The following PRKG1 variants were observed in gnomAD, a reference collection of about 807,000 sequenced individuals.
PRKG1 encodes protein kinase cGMP-dependent 1.
A neutral mutation model predicts 88.1 loss-of-function variants in PRKG1; 35 were observed. The ratio of observed to expected loss-of-function variants is 0.40; its 90% CI spans 0.30 to 0.53. The LOEUF is 0.53. PRKG1 is among the 20% of genes least tolerant of loss of function. The pLI is 0.59. For synonymous variants in PRKG1, 303 were observed against 292.5 expected (o/e 1.04, Z -0.37); for missense variants, 540 against 839.8 (o/e 0.64, Z 4.41).
At chr10:51,096,839 G>A (rs1844542234) in intron 1 of PRKG1, among the ~76,000 whole-genome samples, 1 of 152,194 alleles carries the variant, frequency 6.6e-6, no homozygotes, top group African/African-American at 2.4e-5. Flanking sequence ...CTTCCCAAGG[G>A]CATTTGCAAT....
intron 7 of PRKG1, among the ~76,000 whole-genome samples, chr10:52,114,300 CT>C (rs1365401029): frequency 6.6e-6 from 1 of 152,054 alleles, no homozygotes; most frequent in East Asian, 1.9e-4. Flanking sequence ...CACTTTTTAG[CT>C]GTATGACTCC....
chr10:52,093,761 T>G (rs1370975367), intron 7 of PRKG1, among the ~76,000 whole-genome samples: 7 of 152,162 alleles, frequency 4.6e-5, no homozygotes, highest in African/African-American at 1.4e-4. Context: ...AAAATTGAGC[T>G]TTTTGGAGGC....
intron 9 of PRKG1, among the ~76,000 whole-genome samples, chr10:52,177,504 A>G (rs1838897503): frequency 6.6e-6 from 1 of 152,166 alleles, no homozygotes; most frequent in Admixed American, 6.5e-5. Flanking sequence ...CATCAGGGTT[A>G]TGCTTACTTC....
At chr10:51,301,467 G>A (rs932620528) in intron 2 of PRKG1, among the ~76,000 whole-genome samples, 2 of 152,066 alleles carry the variant, frequency 1.3e-5, no homozygotes, top group African/African-American at 4.8e-5. Context: ...AACCCTCTGA[G>A]GAATATCAAT....
chr10:52,053,671 G>A (rs1846043749), intron 5 of PRKG1, among the ~76,000 whole-genome samples: 1 of 152,082 alleles, frequency 6.6e-6, no homozygotes, highest in Admixed American at 6.6e-5. Context: ...CTTCACCCTG[G>A]AAACAGACCT....
intron 3 of PRKG1, among the ~76,000 whole-genome samples, chr10:51,497,535 G>A (rs1389052314): frequency 2.0e-5 from 3 of 152,212 alleles, no homozygotes; most frequent in African/African-American, 7.2e-5. Context: ...GTGGTCGCAT[G>A]ATAATGAATA....
intron 1 of PRKG1, among the ~76,000 whole-genome samples, chr10:51,050,373 A>C (rs1293292572): frequency 6.6e-6 from 1 of 151,848 alleles, no homozygotes; most frequent in Admixed American, 6.6e-5. Context: ...GCCTCTACAC[A>C]TCTGACTATT....
At chr10:52,151,869 C>G (rs941840586) in intron 8 of PRKG1, among the ~76,000 whole-genome samples, 1 of 152,140 alleles carries the variant, frequency 6.6e-6, no homozygotes, top group Admixed American at 6.5e-5. Context: ...ATTTTAAAAT[C>G]CTTTCTTCCA....
chr10:51,830,041 T>C (rs1937694), intron 4 of PRKG1, among the ~76,000 whole-genome samples: 6,468 of 152,234 alleles, frequency 0.042, 284 homozygotes, highest in East Asian at 0.11. Flanking sequence ...CCTTAATACC[T>C]ATATTTACAT....
chr10:52,241,800 T>C (rs1840869506), intron 9 of PRKG1, among the ~76,000 whole-genome samples: 1 of 152,326 alleles, frequency 6.6e-6, no homozygotes, highest in Admixed American at 6.5e-5. Context: ...TTTCGACTGA[T>C]CCCTTTGATT....
chr10:52,056,743 T>TAA (rs1206476755), intron 6 of PRKG1, among the ~76,000 whole-genome samples: 1 of 152,118 alleles, frequency 6.6e-6, no homozygotes, highest in Non-Finnish European at 1.5e-5. Context: ...GTAAATTACA[T>TAA]AATAATTGTA....
At chr10:51,773,476 C>T (rs1827534125) in intron 3 of PRKG1, among the ~76,000 whole-genome samples, 1 of 151,942 alleles carries the variant, frequency 6.6e-6, no homozygotes, top group African/African-American at 2.4e-5. Flanking sequence ...TTGTATCTTT[C>T]TGCTTTTAAA....
intron 3 of PRKG1, among the ~76,000 whole-genome samples, chr10:51,721,766 G>A (rs1842019165): frequency 6.6e-6 from 1 of 151,926 alleles, no homozygotes; most frequent in Non-Finnish European, 1.5e-5. Context: ...GTTCCTGTGT[G>A]AAATGGCAAC....
Position 51,074,897 on chromosome 10 carries a change from C to A in PRKG1, c.307C>A (p.Pro103Thr), listed in dbSNP as rs201361942. The change falls in exon 1 of 18, where the codon CCA (proline) becomes ACA (threonine). Residue 103 changes from proline to threonine, a missense_variant. Pro to Thr is a conservative substitution (Grantham distance 38, BLOSUM62 -1). This residue lies in a region of PRKG1 where 400 missense variants were observed against 562.7 expected (regional missense o/e 0.71). Coordinates refer to ENST00000373980, the MANE Select transcript of PRKG1 (RefSeq NM_006258.4). The part of the protein sequence containing the change: ...HVTLPFYPKS[P>T]QSKDLIKEAI... Reference sequence around the variant, plus strand: ...GACCCTGCCCTTCTACCCCAAGAGCCCACAGTAAGCAGGGGTGACGCGCCG... The same window carrying A: ...GACCCTGCCCTTCTACCCCAAGAGCACACAGTAAGCAGGGGTGACGCGCCG... The A allele has an allele frequency of 2.2e-5, 35 of 1,604,158 alleles. No homozygotes were observed.
intron 5 of PRKG1, among the ~76,000 whole-genome samples, chr10:51,931,903 G>A (rs1842702995): frequency 6.6e-6 from 1 of 152,086 alleles, no homozygotes; most frequent in East Asian, 1.9e-4. Flanking sequence ...GTCTATTATA[G>A]AATTCTGTCT....
At chr10:52,094,685 C>T (rs1847133647) in intron 7 of PRKG1, among the ~76,000 whole-genome samples, 1 of 152,136 alleles carries the variant, frequency 6.6e-6, no homozygotes, top group Non-Finnish European at 1.5e-5. Context: ...GACCTCTCTT[C>T]CTGGCTTGCA....
At position 51,933,119 on chromosome 10, in the gene PRKG1, G is replaced by A. The variant is rs113945701; in HGVS notation, c.762+25549G>A. On this transcript the variant is annotated intron_variant, in intron 5 of 17. Transcript: ENST00000373980. ...AGTACAGATGCAAGATGTCATGTGC[G>A]GACTATACTGTGTTTCCTAATTACA... is the stretch of plus-strand genomic sequence containing the variant. Among the ~76,000 whole-genome samples, 210 of 152,136 alleles carry A rather than the reference G, an allele frequency of 1.4e-3. 2 individuals carry two copies. Among genetic ancestry groups the A allele is most frequent in the African/African-American group, 4.8e-3 (199 of 41,530 alleles).
chr10:52,001,374 AAAC>A (rs1844592559), intron 5 of PRKG1, among the ~76,000 whole-genome samples: 2 of 151,986 alleles, frequency 1.3e-5, no homozygotes, highest in Admixed American at 6.6e-5. Flanking sequence ...TAAAAAAAAA[AAAC>A]ATAACTATGT....
intron 14 of PRKG1, among the ~76,000 whole-genome samples, chr10:52,288,094 G>A (rs189577337): frequency 2.6e-4 from 40 of 152,252 alleles, no homozygotes; most frequent in African/African-American, 8.9e-4. Flanking sequence ...GCTAGGTTAC[G>A]TGGGTTGATA....
Sources: allele counts gnomAD v4.1 joint callset (sites outside exome capture counted in the v4.1 genomes callset), GRCh38; gene constraint gnomAD v4.1.1; regional missense constraint gnomAD v4.1.1; transcripts MANE v1.5; gene names NCBI Gene and HGNC (gene_info 2026-07-23, HGNC 2026-07-21).